Variants in CREB5 observed in about 807,000 individuals in gnomAD.
CREB5 encodes cAMP responsive element binding protein 5, also known as cyclic AMP-responsive element-binding protein 5.
A neutral mutation model predicts 57.1 loss-of-function variants in CREB5; 19 were observed. The observed-to-expected ratio is 0.33, with a 90% CI of 0.23 to 0.49. The LOEUF is 0.49. Ranked by LOEUF, CREB5 falls within the 20% of genes least tolerant of loss-of-function variation. The pLI is 0.99. For synonymous variants in CREB5, 238 were observed against 238.3 expected, an observed-to-expected ratio of 1.00 and a Z score of 0.01; for missense variants, 579 against 671.6, an observed-to-expected ratio of 0.86 and a Z score of 1.52.
chr7:28,446,747 A>G (rs1056532370), intron 1 of CREB5, among the ~76,000 whole-genome samples: 1 of 152,278 alleles, frequency 6.6e-6, no homozygotes, highest in Non-Finnish European at 1.5e-5. Flanking sequence ...AGCCGAGATC[A>G]CGCCACTGCA....
chr7:28,560,857 T>TGTGTGC (rs1562797210), intron 4 of CREB5, among the ~76,000 whole-genome samples: 11 of 51,016 alleles, frequency 2.2e-4, no homozygotes, highest in Non-Finnish European at 2.7e-4. Context: ...CGTGTGTGTG[T>TGTGTGC]GCGTGTGCCT....
chr7:28,375,483 T>A (rs1426778273), intron 1 of CREB5, among the ~76,000 whole-genome samples: 2 of 152,114 alleles, frequency 1.3e-5, no homozygotes, highest in Non-Finnish European at 2.9e-5. Flanking sequence ...AATTTAATTG[T>A]ACATTTTAAA....
chr7:28,813,936 C>A (rs895516094), intron 9 of CREB5, among the ~76,000 whole-genome samples: 4 of 152,082 alleles, frequency 2.6e-5, no homozygotes, highest in African/African-American at 9.7e-5. Flanking sequence ...ATTATTAATA[C>A]CTTGTATTTA....
At chr7:28,790,511 A>G (rs1807634973) in intron 7 of CREB5, among the ~76,000 whole-genome samples, 1 of 152,134 alleles carries the variant, frequency 6.6e-6, no homozygotes, top group Non-Finnish European at 1.5e-5. Context: ...AGAAAGAAAA[A>G]TAAAGAAAGA....
intron 4 of CREB5, among the ~76,000 whole-genome samples, chr7:28,517,331 T>C (rs1583566650): frequency 6.6e-6 from 1 of 152,260 alleles, no homozygotes; most frequent in Non-Finnish European, 1.5e-5. Context: ...CTGAGAACTC[T>C]GCTCCAGCAT....
intron 4 of CREB5, among the ~76,000 whole-genome samples, chr7:28,550,152 CCTCTT>C (rs572297178): frequency 1.1e-3 from 166 of 152,146 alleles, no homozygotes; most frequent in Admixed American, 4.1e-3. Context: ...TCTTCCTCCT[CCTCTT>C]CTCTTCTTTC....
At chr7:28,344,844 A>G (rs996289337) in intron 1 of CREB5, among the ~76,000 whole-genome samples, 1 of 152,204 alleles carries the variant, frequency 6.6e-6, no homozygotes, top group Admixed American at 6.5e-5. Flanking sequence ...TAATCATAAG[A>G]GAGCAGGGGT....
At chr7:28,733,710 A>G (rs1007581251) in intron 7 of CREB5, among the ~76,000 whole-genome samples, 4 of 152,108 alleles carry the variant, frequency 2.6e-5, no homozygotes, top group Non-Finnish European at 5.9e-5. Flanking sequence ...TGCAAGCTCC[A>G]TGAGAGCTGG....
intron 1 of CREB5, among the ~76,000 whole-genome samples, chr7:28,303,281 A>G (rs751255843): frequency 8.5e-5 from 13 of 152,222 alleles, no homozygotes; most frequent in Non-Finnish European, 1.5e-4. Flanking sequence ...ATTCATAGGC[A>G]TAATTTTTGA....
chr7:28,452,479 G>A (rs527788541), intron 1 of CREB5, among the ~76,000 whole-genome samples: 2 of 152,120 alleles, frequency 1.3e-5, no homozygotes, highest in East Asian at 1.9e-4. Context: ...TGTATCAGTC[G>A]GGTTCCTGAC....
intron 1 of CREB5, among the ~76,000 whole-genome samples, chr7:28,303,541 A>ACCT (rs1349071688): frequency 6.6e-6 from 1 of 152,212 alleles, no homozygotes; most frequent in Non-Finnish European, 1.5e-5. Context: ...ATACATGAAC[A>ACCT]CCTAATAAAT....
At chr7:28,460,193 A>G (rs1790292020) in intron 1 of CREB5, among the ~76,000 whole-genome samples, 1 of 152,198 alleles carries the variant, frequency 6.6e-6, no homozygotes, top group African/African-American at 2.4e-5. Context: ...AGGGAGTCAT[A>G]TTAATGTCAT....
At chr7:28,518,613 G>A (rs73299169) in intron 4 of CREB5, among the ~76,000 whole-genome samples, 4,344 of 152,230 alleles carry the variant, frequency 0.029, 202 homozygotes, top group African/African-American at 0.1. Context: ...GAATGTGGTG[G>A]GCATGCGAGT....
chr7:28,524,744 T>C (rs1793368601), intron 4 of CREB5, among the ~76,000 whole-genome samples: 1 of 152,246 alleles, frequency 6.6e-6, no homozygotes, highest in East Asian at 1.9e-4. Flanking sequence ...ATGTGATAGA[T>C]GTGTTATTTT....
At chr7:28,803,628 A>G (rs66490616) in intron 7 of CREB5, among the ~76,000 whole-genome samples, 56,581 of 151,648 alleles carry the variant, frequency 0.37, 11,414 homozygotes, top group African/African-American at 0.53. Flanking sequence ...ATGGTGGCAG[A>G]TGCCTGTAAT....
intron 5 of CREB5, among the ~76,000 whole-genome samples, chr7:28,631,967 A>G (rs1185014868): frequency 6.6e-6 from 1 of 152,166 alleles, no homozygotes; most frequent in East Asian, 1.9e-4. Context: ...GTGCTGGAGA[A>G]AAGGAGTCAA....
chr7:28,471,385 A>C (rs1790798955), intron 1 of CREB5, among the ~76,000 whole-genome samples: 1 of 151,744 alleles, frequency 6.6e-6, no homozygotes, highest in African/African-American at 2.4e-5. Flanking sequence ...TTCACTGTAC[A>C]TGTGTGGATT....
At chr7:28,757,778 ATTTCAGATTTT>A (rs1364613474) in intron 7 of CREB5, among the ~76,000 whole-genome samples, 1 of 152,096 alleles carries the variant, frequency 6.6e-6, no homozygotes. Context: ...AGTGTTTCAG[ATTTCAGATTTT>A]TTTCAGATTT....
chr7:28,643,107 G>A (rs1798745836), intron 5 of CREB5, among the ~76,000 whole-genome samples: 3 of 151,876 alleles, frequency 2.0e-5, no homozygotes, highest in South Asian at 2.1e-4. Flanking sequence ...ATTCTCAATT[G>A]TCGGGTCCTG....
Sources: gnomAD v4.1 joint callset for allele counts (sites outside exome capture counted in the v4.1 genomes callset) on GRCh38, gnomAD v4.1.1 for gene constraint, MANE v1.5 for transcripts, NCBI Gene and HGNC (gene_info 2026-07-23, HGNC 2026-07-21) for gene names.